The following PTPRT variants were observed in gnomAD, a reference collection of about 807,000 sequenced individuals.
The protein encoded by PTPRT is protein tyrosine phosphatase receptor type T.
Under a neutral mutation model 176.8 loss-of-function variants are expected in PTPRT, and 56 were observed. The observed-to-expected ratio is 0.32, with a 90% CI of 0.26 to 0.40. The LOEUF is 0.40. Among genes scored for constraint, PTPRT ranks in the 10% least tolerant of loss-of-function variants. The probability of loss-of-function intolerance (pLI) is 1.00; values close to 1 mark genes in which losing one functional copy is unlikely to be tolerated. For missense variants in PTPRT, 1,540 were observed against 1,908.2 expected, an observed-to-expected ratio of 0.81 and a Z score of 3.60; for synonymous variants, 783 against 739.0, an observed-to-expected ratio of 1.06 and a Z score of -0.96.
intron 7 of PTPRT, among the ~76,000 whole-genome samples, chr20:42,500,903 C>T (rs2071740228): frequency 6.6e-6 from 1 of 152,070 alleles, no homozygotes; most frequent in Non-Finnish European, 1.5e-5. Context: ...TCAGACAACC[C>T]TCATAGTCTC....
At chr20:42,608,179 C>G (rs1283285580) in intron 7 of PTPRT, among the ~76,000 whole-genome samples, 1 of 152,102 alleles carries the variant, frequency 6.6e-6, no homozygotes, top group East Asian at 1.9e-4. Context: ...TCTCATGTCT[C>G]CGGAATAAGT....
intron 7 of PTPRT, among the ~76,000 whole-genome samples, chr20:42,641,850 C>T (rs1236757034): frequency 6.6e-6 from 1 of 152,124 alleles, no homozygotes; most frequent in Admixed American, 6.5e-5. Flanking sequence ...ATGCTTGGAG[C>T]CTGAAGTCCC....
At chr20:42,393,436 C>T (rs1038175363) in intron 9 of PTPRT, among the ~76,000 whole-genome samples, 1 of 152,116 alleles carries the variant, frequency 6.6e-6, no homozygotes, top group African/African-American at 2.4e-5. Context: ...GAACCAACCA[C>T]GAAGGAATAC....
At chr20:42,756,433 C>T in intron 6 of PTPRT, 29 bp downstream of exon 6, 2 of 1,497,622 alleles carry the variant, frequency 1.3e-6, no homozygotes, top group Non-Finnish European at 1.8e-6. Flanking sequence ...CCTTCCATGG[C>T]AGTAGAGGCG....
At chr20:42,195,930 A>G (rs894793499) in intron 16 of PTPRT, among the ~76,000 whole-genome samples, 1 of 152,182 alleles carries the variant, frequency 6.6e-6, no homozygotes, top group East Asian at 1.9e-4. Context: ...AAGTTAAACT[A>G]TTTCAGTCTT....
In PTPRT at chr20:42,617,781, T is replaced by A. The variant is rs1306094687; in HGVS notation, c.1153+60085A>T. 2.2e-5 allele frequency among the ~76,000 whole-genome samples: 3 copies of A among 139,378 alleles called. 1 individual carries two copies. Among genetic ancestry groups the A allele is most frequent in the Non-Finnish European group, 4.5e-5 (3 of 66,076 alleles). The allele number at this position is 139,378 out of a possible 152,430, so 91.4% of individuals were successfully genotyped here. ...GTTTGTATTTCTGTGGGATTGGTGG[T>A]GATATCCCCTTTATCATTTTTTATT... On this transcript the variant is annotated intron_variant, in intron 7 of 30. Coordinates refer to ENST00000373187, the MANE Select transcript of PTPRT (RefSeq NM_007050.6).
chr20:43,132,320 A>G (rs1456873868), intron 1 of PTPRT, among the ~76,000 whole-genome samples: 1 of 152,232 alleles, frequency 6.6e-6, no homozygotes, highest in Non-Finnish European at 1.5e-5. Context: ...ATAAGAAATC[A>G]ATTGCTTTTT....
intron 27 of PTPRT, among the ~76,000 whole-genome samples, chr20:42,097,919 G>A (rs928476869): frequency 1.1e-4 from 17 of 152,198 alleles, no homozygotes; most frequent in Admixed American, 3.3e-4. Flanking sequence ...GAAGCCTGCC[G>A]GGGAACAAAG....
chr20:43,146,119 GTTC>G (rs906992886), intron 1 of PTPRT, among the ~76,000 whole-genome samples: 2 of 152,064 alleles, frequency 1.3e-5, no homozygotes, highest in African/African-American at 4.8e-5. Flanking sequence ...TAACTACTTG[GTTC>G]TTCTTCTTGG....
At chr20:42,489,312 G>GC in intron 7 of PTPRT, among the ~76,000 whole-genome samples, 1 of 151,980 alleles carries the variant, frequency 6.6e-6, no homozygotes, top group South Asian at 2.1e-4. Flanking sequence ...GACTTTCCTT[G>GC]CCCAGTGATA....
intron 6 of PTPRT, among the ~76,000 whole-genome samples, chr20:42,737,246 A>C (rs1490921810): frequency 6.6e-6 from 1 of 152,196 alleles, no homozygotes; most frequent in Non-Finnish European, 1.5e-5. Context: ...ACACAGAGAG[A>C]AGAAGGCCAT....
At chr20:42,267,707 G>A (rs1464858959) in intron 13 of PTPRT, among the ~76,000 whole-genome samples, 2 of 152,028 alleles carry the variant, frequency 1.3e-5, no homozygotes, top group African/African-American at 4.8e-5. Flanking sequence ...CCCTGCCACC[G>A]GCCCCCAACA....
At chr20:42,290,647 A>T (rs1016307704) in intron 12 of PTPRT, among the ~76,000 whole-genome samples, 8 of 151,596 alleles carry the variant, frequency 5.3e-5, no homozygotes, top group African/African-American at 2.4e-5. Context: ...AAATAATTTT[A>T]TTTATTTATT....
intron 2 of PTPRT, among the ~76,000 whole-genome samples, chr20:42,830,065 G>A (rs574955637): frequency 2.0e-4 from 31 of 152,198 alleles, no homozygotes; most frequent in Non-Finnish European, 3.5e-4. Flanking sequence ...CCAAAAAATT[G>A]AGGAGGATAG....
chr20:42,411,475 C>T (rs2059016061), intron 9 of PTPRT, among the ~76,000 whole-genome samples: 1 of 146,404 alleles, frequency 6.8e-6, no homozygotes, highest in Non-Finnish European at 1.5e-5. Context: ...CGAGATCGCA[C>T]CATTGCACTA....
At chr20:42,234,067 A>T (rs1258874582) in intron 15 of PTPRT, among the ~76,000 whole-genome samples, 3 of 152,142 alleles carry the variant, frequency 2.0e-5, no homozygotes, top group Non-Finnish European at 2.9e-5. Flanking sequence ...AGAGGTGGTG[A>T]TGGGTCCCTG....
intron 2 of PTPRT, among the ~76,000 whole-genome samples, chr20:42,807,888 C>T (rs2077635485): frequency 6.6e-6 from 1 of 152,216 alleles, no homozygotes; most frequent in Non-Finnish European, 1.5e-5. Context: ...ACATCTTGCT[C>T]TAAATGGGTA....
the PTPRT span, among the ~76,000 whole-genome samples, chr20:42,038,412 C>T: frequency 2.0e-5 from 3 of 152,084 alleles, no homozygotes; most frequent in Admixed American, 6.5e-5. Flanking sequence ...TAGAAATGCA[C>T]GAGTGAGTCC....
chr20:42,841,570 T>A (rs2078277480), intron 2 of PTPRT, among the ~76,000 whole-genome samples: 1 of 151,160 alleles, frequency 6.6e-6, no homozygotes, highest in African/African-American at 2.4e-5. Flanking sequence ...TTCATAACAG[T>A]TTGCGTCAGG....
Sources: allele counts gnomAD v4.1 joint callset (sites outside exome capture counted in the v4.1 genomes callset), GRCh38; gene constraint gnomAD v4.1.1; transcripts MANE v1.5; gene names NCBI Gene and HGNC (gene_info 2026-07-23, HGNC 2026-07-21).